Variants in TENM2 observed in about 807,000 individuals in gnomAD.
The protein encoded by TENM2 is teneurin transmembrane protein 2, also known as teneurin-2.
In TENM2, 52 loss-of-function variants were observed where a neutral mutation model predicts 245.2. That is an observed-to-expected ratio of 0.21 (90% CI 0.17 to 0.27). The LOEUF (loss-of-function observed/expected upper bound fraction) is 0.27, where lower values mean the gene tolerates loss of function less well. Among genes scored for constraint, TENM2 ranks in the 10% least tolerant of loss-of-function variants. The pLI, the probability that TENM2 is intolerant of heterozygous loss-of-function variation, is 1.00. For missense variants in TENM2, 3,046 were observed against 3,666.8 expected (o/e 0.83, Z 4.37); for synonymous variants, 1,363 against 1,438.9 (o/e 0.95, Z 1.19).
intron 2 of TENM2, among the ~76,000 whole-genome samples, chr5:167,506,055 A>G (rs1769523598): frequency 6.6e-6 from 1 of 152,150 alleles, no homozygotes. Flanking sequence ...GGCATAAAAC[A>G]TTAGTAGGAA....
the TENM2 span, among the ~76,000 whole-genome samples, chr5:167,091,169 A>G: frequency 6.6e-6 from 1 of 152,138 alleles, no homozygotes; most frequent in African/African-American, 2.4e-5. Context: ...GATGTGGAAC[A>G]GCTTATTGCA....
chr5:167,348,727 A>G (rs1758630315), intron 1 of TENM2, among the ~76,000 whole-genome samples: 1 of 152,224 alleles, frequency 6.6e-6, no homozygotes, highest in South Asian at 2.1e-4. Flanking sequence ...CCAAAGCAAC[A>G]TTAATGAGTA....
the TENM2 span, among the ~76,000 whole-genome samples, chr5:167,152,891 G>T: frequency 1.3e-5 from 2 of 152,020 alleles, no homozygotes; most frequent in Admixed American, 1.3e-4. Context: ...AGTATTTTTG[G>T]ACCACAATTG....
At chr5:167,274,643 G>GT in the TENM2 span, among the ~76,000 whole-genome samples, 2 of 149,562 alleles carry the variant, frequency 1.3e-5, no homozygotes, top group African/African-American at 4.9e-5. Context: ...GAGTGATCCA[G>GT]TTTTTTCTCA....
the TENM2 span, among the ~76,000 whole-genome samples, chr5:167,081,235 C>T: frequency 2.6e-5 from 4 of 151,704 alleles, no homozygotes; most frequent in African/African-American, 9.7e-5. Flanking sequence ...TATTTTTTCA[C>T]TTGGTATTTA....
chr5:167,564,666 C>A (rs1204902792), intron 2 of TENM2, among the ~76,000 whole-genome samples: 3 of 152,158 alleles, frequency 2.0e-5, no homozygotes, highest in African/African-American at 7.2e-5. Flanking sequence ...GGGGACTTGC[C>A]TGTACTCACT....
In TENM2 at chr5:168,244,369, C is replaced by A. The variant is rs1766362254; in HGVS notation, c.5521-51C>A. On this transcript the variant is annotated intron_variant, in intron 25 of 28. Transcript: ENST00000518659. The surrounding 1 kb of genome is among the most constrained non-coding windows in gnomAD (Gnocchi z 4.9). ...GCCATGTCCTCCACAGAAGCCTGAG[C>A]CGGCATGCCTGGGTGATGTCTTTCA... 2.1e-6 allele frequency: 3 copies of A among 1,404,466 alleles called. No homozygotes were observed. Among genetic ancestry groups the A allele is most frequent in the Admixed American group, 5.2e-5 (2 of 38,612 alleles). 87.0% of individuals were successfully genotyped at this position (1,404,466 alleles called of 1,614,324 possible).
chr5:168,132,590 G>A (rs1754690480), intron 12 of TENM2, among the ~76,000 whole-genome samples: 1 of 152,220 alleles, frequency 6.6e-6, no homozygotes, highest in African/African-American at 2.4e-5. Context: ...AGCTTGCTGA[G>A]TCAATAGCTT....
At chr5:167,469,934 G>C (rs1259578559) in intron 2 of TENM2, among the ~76,000 whole-genome samples, 1 of 152,044 alleles carries the variant, frequency 6.6e-6, no homozygotes, top group East Asian at 1.9e-4. Context: ...TACCATGTTA[G>C]TAGTGTCCAC....
chr5:168,226,062 T>TTATCTATC, intron 23 of TENM2, 26 bp from the exon 26 acceptor site: 1 of 1,600,486 alleles, frequency 6.2e-7, no homozygotes, highest in South Asian at 1.1e-5. Flanking sequence ...TAACCAGGGT[T>TTATCTATC]TATCTATCTA....
rs189765543 is a variant in TENM2 at position 167,647,264 on chromosome 5, A to G, written c.503-228722A>G. On this transcript the variant is annotated intron_variant, in intron 2 of 28. Coordinates refer to ENST00000518659, the Ensembl canonical transcript of TENM2. ...GGATCCACGGTGGGGTTAAAGATCC[A>G]AGAAAATAGCCATTGACAGAGACTG... Among the ~76,000 whole-genome samples, 33 of 152,302 alleles carry G rather than the reference A, an allele frequency of 2.2e-4. No individual in the cohort carries two copies. The East Asian group carries it at 5.2e-3, about 24-fold the overall frequency.
chr5:167,558,935 C>A (rs1429961114), intron 2 of TENM2, among the ~76,000 whole-genome samples: 1 of 151,760 alleles, frequency 6.6e-6, no homozygotes, highest in African/African-American at 2.4e-5. Context: ...CAGTAAAAAT[C>A]ATCAAGGTAT....
chr5:167,893,589 T>C (rs1774935187), intron 3 of TENM2, among the ~76,000 whole-genome samples: 1 of 152,104 alleles, frequency 6.6e-6, no homozygotes, highest in African/African-American at 2.4e-5. Flanking sequence ...GTATTTTCTT[T>C]TTTTCCGTTG....
At chr5:167,308,948 C>G (rs1755848946) in intron 1 of TENM2, among the ~76,000 whole-genome samples, 1 of 150,196 alleles carries the variant, frequency 6.7e-6, no homozygotes, top group Non-Finnish European at 1.5e-5. Context: ...TCATCAACGC[C>G]CAACCTTGAC....
rs568126556 is a variant in TENM2 at position 167,709,416 on chromosome 5, G to A, written c.503-166570G>A. Among the ~76,000 whole-genome samples, 172 of 152,228 alleles carry A rather than the reference G, an allele frequency of 1.1e-3. 1 individual carries two copies. Among genetic ancestry groups the A allele is most frequent in the African/African-American group, 2.7e-3 (114 of 41,532 alleles). On this transcript the variant is annotated intron_variant, in intron 2 of 28. Transcript: ENST00000518659. Reference sequence around the variant, plus strand: ...ATCCAGGCCATTTTGGATTCTAAACGTGTTGTCTCTTCCCTGACAGCTGGG... The same window carrying A: ...ATCCAGGCCATTTTGGATTCTAAACATGTTGTCTCTTCCCTGACAGCTGGG...
At chr5:167,038,889 A>T in the TENM2 span, among the ~76,000 whole-genome samples, 2 of 152,160 alleles carry the variant, frequency 1.3e-5, no homozygotes, top group African/African-American at 4.8e-5. Context: ...GTTTTTGGAA[A>T]TGAAGCCCAA....
chr5:167,255,215 A>G, the TENM2 span, among the ~76,000 whole-genome samples: 3 of 152,066 alleles, frequency 2.0e-5, no homozygotes, highest in African/African-American at 4.8e-5. Flanking sequence ...AAGAATTTTA[A>G]TAAGATTTAT....
At chr5:167,093,626 T>A in the TENM2 span, among the ~76,000 whole-genome samples, 1,212 of 152,314 alleles carry the variant, frequency 8.0e-3, 5 homozygotes, top group Non-Finnish European at 0.013. Context: ...TCCACCTTTC[T>A]GTCATGTATA....
intron 2 of TENM2, among the ~76,000 whole-genome samples, chr5:167,730,874 C>T (rs1279424633): frequency 6.6e-6 from 1 of 152,154 alleles, no homozygotes; most frequent in Non-Finnish European, 1.5e-5. Context: ...ACATGAACTG[C>T]AGGATAATAA....
Sources: allele counts gnomAD v4.1 joint callset (sites outside exome capture counted in the v4.1 genomes callset), GRCh38; gene constraint gnomAD v4.1.1; non-coding constraint Gnocchi (gnomAD v3.1); transcripts MANE v1.5; gene names NCBI Gene and HGNC (gene_info 2026-07-23, HGNC 2026-07-21).